The following FBXO4 variants were observed in gnomAD, a reference collection of about 807,000 sequenced individuals.
The protein encoded by FBXO4 is F-box protein 4.
FBXO4 carries 36 observed loss-of-function variants against 43.7 expected under a neutral mutation model. The ratio of observed to expected loss-of-function variants is 0.82; its 90% CI spans 0.63 to 1.09. FBXO4 has a LOEUF of 1.09. Ranked by LOEUF, FBXO4 falls within the 50% of genes least tolerant of loss-of-function variation. The probability of loss-of-function intolerance (pLI) is 0.00; values close to 1 mark genes in which losing one functional copy is unlikely to be tolerated. For synonymous variants in FBXO4, 180 were observed against 165.6 expected (o/e 1.09, Z -0.67); for missense variants, 435 against 474.1 (o/e 0.92, Z 0.77).
chr5:42,009,388 TGTG>T, the FBXO4 span, among the ~76,000 whole-genome samples: 1 of 126,390 alleles, frequency 7.9e-6, no homozygotes, highest in South Asian at 2.5e-4. Context: ...TGTGTGTGTG[TGTG>T]TGTGTGTGTG....
the FBXO4 span, among the ~76,000 whole-genome samples, chr5:42,021,386 G>C: frequency 1.3e-5 from 2 of 152,216 alleles, no homozygotes; most frequent in African/African-American, 4.8e-5. Flanking sequence ...TGACTCCTAG[G>C]TCTTGATTTG....
the FBXO4 span, among the ~76,000 whole-genome samples, chr5:41,954,235 A>T: frequency 2.6e-5 from 4 of 152,230 alleles, no homozygotes; most frequent in Admixed American, 2.6e-4. Flanking sequence ...ATTTAAGGAA[A>T]TATTTAAAAC....
the FBXO4 span, among the ~76,000 whole-genome samples, chr5:42,026,629 G>C: frequency 2.0e-5 from 3 of 151,788 alleles, no homozygotes; most frequent in African/African-American, 7.2e-5. Flanking sequence ...GAGCCTTCTT[G>C]TTGTGCTCTG....
chr5:42,019,292 A>C, the FBXO4 span, among the ~76,000 whole-genome samples: 9 of 152,152 alleles, frequency 5.9e-5, no homozygotes, highest in African/African-American at 2.2e-4. Flanking sequence ...CTTATTAATA[A>C]TTTTTATATA....
chr5:42,033,381 T>G, the FBXO4 span, among the ~76,000 whole-genome samples: 1 of 152,126 alleles, frequency 6.6e-6, no homozygotes, highest in South Asian at 2.1e-4. Flanking sequence ...GTGGTGATGT[T>G]TTTTTAAAAT....
chr5:41,965,290 T>G, the FBXO4 span, among the ~76,000 whole-genome samples: 2 of 152,218 alleles, frequency 1.3e-5, no homozygotes. Flanking sequence ...ACTGTAGCCT[T>G]GCAGTATAGT....
At chr5:42,022,282 C>A in the FBXO4 span, among the ~76,000 whole-genome samples, 2 of 152,080 alleles carry the variant, frequency 1.3e-5, 1 homozygote, top group Non-Finnish European at 2.9e-5. Context: ...AAGGAACATG[C>A]CAATTCATAT....
At chr5:41,997,916 C>A in the FBXO4 span, among the ~76,000 whole-genome samples, 1 of 152,164 alleles carries the variant, frequency 6.6e-6, no homozygotes, top group African/African-American at 2.4e-5. Flanking sequence ...GGCCTATAAA[C>A]TGGCTCAAGT....
At chr5:42,007,062 A>T in the FBXO4 span, among the ~76,000 whole-genome samples, 1 of 150,792 alleles carries the variant, frequency 6.6e-6, no homozygotes, top group Non-Finnish European at 1.5e-5. Context: ...CCAAATTCTT[A>T]TGTTGAAGTC....
chr5:41,972,176 C>T, the FBXO4 span, among the ~76,000 whole-genome samples: 1 of 152,010 alleles, frequency 6.6e-6, no homozygotes, highest in African/African-American at 2.4e-5. Context: ...ATATATAATT[C>T]TATACCTAAA....
chr5:41,937,909 C>A (rs778189128), intron 5 of FBXO4, among the ~76,000 whole-genome samples: 4 of 152,198 alleles, frequency 2.6e-5, no homozygotes, highest in Non-Finnish European at 5.9e-5. Flanking sequence ...CCCAAAGACA[C>A]CCCTTCCTGC....
chr5:41,947,095 A>T, the FBXO4 span, among the ~76,000 whole-genome samples: 18 of 152,352 alleles, frequency 1.2e-4, no homozygotes, highest in South Asian at 3.5e-3. Context: ...CCAACAGAAC[A>T]CAAAGAGCCC....
chr5:41,980,972 T>C, the FBXO4 span, among the ~76,000 whole-genome samples: 1 of 152,066 alleles, frequency 6.6e-6, no homozygotes. Context: ...ATAAATATTA[T>C]TAAAAATTGG....
chr5:41,962,645 C>T, the FBXO4 span, among the ~76,000 whole-genome samples: 1 of 152,158 alleles, frequency 6.6e-6, no homozygotes, highest in Non-Finnish European at 1.5e-5. Context: ...TCCAGTATTC[C>T]TGACCCTCTT....
the FBXO4 span, among the ~76,000 whole-genome samples, chr5:42,024,232 T>G: frequency 6.6e-6 from 1 of 152,076 alleles, no homozygotes; most frequent in Admixed American, 6.6e-5. Context: ...TTTATATGTG[T>G]GTGTCACCAA....
intron 3 of FBXO4, among the ~76,000 whole-genome samples, chr5:41,930,670 CT>C (rs555192662): frequency 2.4e-3 from 339 of 141,686 alleles, no homozygotes; most frequent in South Asian, 4.7e-3. Context: ...TTCTTTCTTT[CT>C]TTTTTTTTTT....
the FBXO4 span, among the ~76,000 whole-genome samples, chr5:41,974,802 A>G: frequency 6.6e-6 from 1 of 151,984 alleles, no homozygotes; most frequent in African/African-American, 2.4e-5. Flanking sequence ...GTGTGTATGC[A>G]TGTGTGTTTT....
chr5:41,955,196 C>T, the FBXO4 span, among the ~76,000 whole-genome samples: 2,427 of 152,124 alleles, frequency 0.016, 86 homozygotes, highest in Admixed American at 0.076. Flanking sequence ...TCACAAAATT[C>T]GTACCTTTTA....
chr5:41,986,170 A>G, the FBXO4 span, among the ~76,000 whole-genome samples: 1 of 152,132 alleles, frequency 6.6e-6, no homozygotes, highest in Admixed American at 6.5e-5. Flanking sequence ...GAGGTAGTTC[A>G]AAGATAATTT....
Sources: gnomAD v4.1 joint callset for allele counts (sites outside exome capture counted in the v4.1 genomes callset) on GRCh38, gnomAD v4.1.1 for gene constraint, MANE v1.5 for transcripts, NCBI Gene and HGNC (gene_info 2026-07-23, HGNC 2026-07-21) for gene names.